The following NEK5 variants were observed in gnomAD, a reference collection of about 807,000 sequenced individuals.
NEK5 encodes serine/threonine-protein kinase Nek5.
A neutral mutation model predicts 109.2 loss-of-function variants in NEK5; 88 were observed. The ratio of observed to expected loss-of-function variants is 0.81; its 90% CI spans 0.68 to 0.96. The LOEUF is 0.96. NEK5 is among the 40% of genes least tolerant of loss of function. The pLI, the probability that NEK5 is intolerant of heterozygous loss-of-function variation, is 0.00. For synonymous variants in NEK5, 283 were observed against 299.9 expected, an observed-to-expected ratio of 0.94 and a Z score of 0.58; for missense variants, 834 against 920.7, an observed-to-expected ratio of 0.91 and a Z score of 1.22.
chr13:52,068,193 C>T (rs1314387837), intron 20 of NEK5, among the ~76,000 whole-genome samples: 1 of 152,126 alleles, frequency 6.6e-6, no homozygotes, highest in African/African-American at 2.4e-5. Context: ...CAGTGAAGAG[C>T]TTTCCTCTTT....
rs1954360567 is a variant in NEK5 at position 52,036,231 on chromosome 13, T to C, written c.*717A>G. 1 of 152,268 alleles carries C rather than the reference T, an allele frequency of 6.6e-6. No homozygotes were observed. The highest frequency in any genetic ancestry group is 2.1e-4 in the South Asian group (1 of 4,836). The allele number at this position is 152,268 out of a possible 1,614,324, so 9.4% of individuals were successfully genotyped here. A position where few individuals can be genotyped will look rare whatever the true frequency, so the allele number is the denominator to read the frequency against. ...TTTTCATGCTGCGATCTCTCTGGTT[T>C]TCTCTTTTGTCTTCCTCTTCCACTT... On this transcript the variant is annotated 3_prime_UTR_variant, in exon 24 of 24. Coordinates refer to ENST00000684899, the MANE Select transcript of NEK5 (RefSeq NM_001365552.1).
At chr13:52,104,956 G>A (rs1955621088) in intron 8 of NEK5, among the ~76,000 whole-genome samples, 1 of 152,146 alleles carries the variant, frequency 6.6e-6, no homozygotes, top group Non-Finnish European at 1.5e-5. Flanking sequence ...GCTTTTGACA[G>A]AACCAAAGTT....
intron 12 of NEK5, among the ~76,000 whole-genome samples, chr13:52,095,711 G>C (rs1354851452): frequency 1.3e-5 from 2 of 152,214 alleles, no homozygotes; most frequent in Non-Finnish European, 2.9e-5. Flanking sequence ...AACACAGTGA[G>C]ACCCTGACTC....
chr13:52,086,290 C>T lies in NEK5; in HGVS notation c.1466G>A (p.Gly489Glu), dbSNP rs542686027. The T allele has an allele frequency of 2.9e-5, 46 of 1,600,988 alleles. 1 individual carries two copies. The East Asian group carries it at 1.0e-3, about 35-fold the overall frequency. The change falls in exon 16 of 24, where the codon GGG (glycine) becomes GAG (glutamate). Residue 489 changes from glycine (G) to glutamate (E), a missense_variant. By Grantham distance (98) the Gly-to-Glu change is moderately conservative. This residue lies in a region of NEK5 where 777 missense variants were observed against 824.7 expected (regional missense o/e 0.94). Transcript: ENST00000684899. Reference protein sequence around the residue: ...NDMKEIRKKMGREPEENSKIS... With the variant: ...NDMKEIRKKMEREPEENSKIS... ...GAATGAATTTACCTCTGGTTCTCTCCCCATCTTCTTTCTAATTTCTTTCAT... is the reference window on the plus strand; with the variant it reads ...GAATGAATTTACCTCTGGTTCTCTCTCCATCTTCTTTCTAATTTCTTTCAT...
rs1955740639 is a variant in NEK5, at chr13:52,110,648, CA to C, written c.313-72del. 7 of 841,226 alleles carry C rather than the reference CA, an allele frequency of 8.3e-6. No individual in the cohort carries two copies. In the Admixed American group the frequency reaches 1.5e-4, roughly 18 times the overall value. 52.1% of individuals were successfully genotyped at this position (841,226 alleles called of 1,614,324 possible). On this transcript the variant is annotated intron_variant, in intron 5 of 23. Transcript: ENST00000684899. ...ACTGAAATGTCTTCATGGTAACATG[CA>C]AAAAGATAGAAATTATACACACACA...
In NEK5 at chr13:52,072,086, AG is replaced by A; in HGVS notation, c.1723-17del. 6.3e-7 allele frequency: 1 copy of A among 1,595,228 alleles called. No homozygotes were observed. Among genetic ancestry groups the A allele is most frequent in the Non-Finnish European group, 8.5e-7 (1 of 1,171,236 alleles). On this transcript the variant is annotated splice_polypyrimidine_tract_variant and intron_variant, in intron 19 of 23. Transcript: ENST00000684899. ...TATCCATTGCCTAAATCAATTCCAC[AG>A]TGTTTCATGATAAATTAGCCATATT... is the stretch of plus-strand genomic sequence containing the variant.
chr13:52,079,522 C>T (rs554979574), intron 17 of NEK5, among the ~76,000 whole-genome samples: 280 of 152,388 alleles, frequency 1.8e-3, no homozygotes, highest in African/African-American at 6.5e-3. Flanking sequence ...GGCTGGTCTC[C>T]AGCTCCTAAC....
At chr13:52,055,730 T>C (rs1484299074) in intron 22 of NEK5, among the ~76,000 whole-genome samples, 2 of 151,830 alleles carry the variant, frequency 1.3e-5, no homozygotes, top group Non-Finnish European at 2.9e-5. Flanking sequence ...ATAAAATACT[T>C]TACAGACAAG....
chr13:52,104,380 T>C (rs1005064696), intron 9 of NEK5, 118 bp downstream of exon 9: 1 of 776,298 alleles, frequency 1.3e-6, no homozygotes, highest in Non-Finnish European at 2.3e-6. Flanking sequence ...TTAAGTAGCT[T>C]ATCCATATAA....
At chr13:52,066,260 G>A (rs1317797107) in intron 20 of NEK5, among the ~76,000 whole-genome samples, 4 of 151,918 alleles carry the variant, frequency 2.6e-5, no homozygotes, top group Non-Finnish European at 1.5e-5. Context: ...ATCATTTCCT[G>A]CCAGATTTTT....
At chr13:52,064,498 G>A (rs1246420833) in intron 21 of NEK5, among the ~76,000 whole-genome samples, 7 of 147,916 alleles carry the variant, frequency 4.7e-5, no homozygotes, top group African/African-American at 5.0e-5. Context: ...GGAGGGAGGT[G>A]GGGGGGTCAG....
intron 22 of NEK5, among the ~76,000 whole-genome samples, chr13:52,051,359 G>C (rs1293573854): frequency 6.6e-6 from 1 of 151,906 alleles, no homozygotes; most frequent in African/African-American, 2.4e-5. Context: ...TCAATAACAC[G>C]TGAAGGAATC....
intron 16 of NEK5, among the ~76,000 whole-genome samples, chr13:52,085,197 G>A (rs1051137729): frequency 5.9e-5 from 9 of 152,048 alleles, no homozygotes; most frequent in African/African-American, 2.2e-4. Flanking sequence ...AAGATCTGAT[G>A]GTTTTGTAAA....
At chr13:52,050,774 C>T (rs1954498645) in intron 22 of NEK5, among the ~76,000 whole-genome samples, 1 of 144,344 alleles carries the variant, frequency 6.9e-6, no homozygotes, top group Non-Finnish European at 1.5e-5. Flanking sequence ...GGCTGGAGTG[C>T]AATAGTGCAA....
chr13:52,120,541 C>G (rs745830735), intron 3 of NEK5, among the ~76,000 whole-genome samples: 1 of 149,758 alleles, frequency 6.7e-6, no homozygotes, highest in African/African-American at 2.5e-5. Flanking sequence ...ATAGTCAACT[C>G]GAAAAAAAAA....
intron 23 of NEK5, among the ~76,000 whole-genome samples, chr13:52,043,844 T>A (rs551766542): frequency 1.3e-5 from 2 of 152,324 alleles, no homozygotes; most frequent in Admixed American, 6.5e-5. Flanking sequence ...TTCACAGGAA[T>A]GTGAAATAGA....
chr13:52,061,729 C>A (rs1566737884), intron 22 of NEK5, 90 bp downstream of exon 22: 2 of 417,172 alleles, frequency 4.8e-6, no homozygotes, highest in Admixed American at 1.3e-4. Flanking sequence ...TCTCTCCCAG[C>A]TGAAGGTATT....
At chr13:52,091,959 G>T (rs892112161) in intron 13 of NEK5, among the ~76,000 whole-genome samples, 8 of 152,040 alleles carry the variant, frequency 5.3e-5, no homozygotes, top group African/African-American at 1.9e-4. Context: ...TGATTTTAAT[G>T]ATTCAATTAT....
At chr13:52,119,028 T>C (rs932269371) in intron 4 of NEK5, among the ~76,000 whole-genome samples, 1 of 152,166 alleles carries the variant, frequency 6.6e-6, no homozygotes, top group Non-Finnish European at 1.5e-5. Flanking sequence ...TGTAAGTCAC[T>C]TAAATTTGGG....
Sources: gnomAD v4.1 joint callset for allele counts (sites outside exome capture counted in the v4.1 genomes callset) on GRCh38, gnomAD v4.1.1 for gene constraint, gnomAD v4.1.1 regional missense constraint, MANE v1.5 for transcripts, NCBI Gene and HGNC (gene_info 2026-07-23, HGNC 2026-07-21) for gene names.